Variants in FAM149B1 observed in about 807,000 individuals in gnomAD.
FAM149B1 encodes the protein primary cilium assembly protein FAM149B1.
Under a neutral mutation model 75.3 loss-of-function variants are expected in FAM149B1, and 56 were observed. The ratio of observed to expected loss-of-function variants is 0.74; its 90% CI spans 0.60 to 0.93. The LOEUF (loss-of-function observed/expected upper bound fraction) is 0.93, where lower values mean the gene tolerates loss of function less well. Ranked by LOEUF, FAM149B1 falls within the 40% of genes least tolerant of loss-of-function variation. FAM149B1 has a pLI of 0.00. For missense variants in FAM149B1, 639 were observed against 708.4 expected, an observed-to-expected ratio of 0.90 and a Z score of 1.11; for synonymous variants, 259 against 256.1, an observed-to-expected ratio of 1.01 and a Z score of -0.11.
chr10:73,207,362 G>A lies in FAM149B1; in HGVS notation c.543-1257G>A, dbSNP rs147605612. On this transcript the variant is annotated intron_variant, in intron 5 of 13. Transcript: ENST00000242505. ...GCAGATCACTAGAGACCAGGAGTTC[G>A]AGACCAGCCTGGCCAACATGGTGAA... Among the ~76,000 whole-genome samples, 140 of 152,100 alleles carry A rather than the reference G, an allele frequency of 9.2e-4. 1 individual carries two copies. The East Asian group carries it at 0.026, about 28-fold the overall frequency.
At chr10:73,224,913 G>T (rs1226488956) in intron 7 of FAM149B1, among the ~76,000 whole-genome samples, 1 of 152,202 alleles carries the variant, frequency 6.6e-6, no homozygotes, top group Non-Finnish European at 1.5e-5. Context: ...ATACAGTCCT[G>T]TGTGGCATAA....
chr10:73,199,238 G>GTT (rs2042878808), intron 5 of FAM149B1, among the ~76,000 whole-genome samples: 1 of 119,972 alleles, frequency 8.3e-6, no homozygotes, highest in Admixed American at 8.6e-5. Flanking sequence ...TTGTTGTTGA[G>GTT]ATGGAGTCTC....
At chr10:73,181,715 T>C (rs545926775) in intron 3 of FAM149B1, among the ~76,000 whole-genome samples, 1 of 152,338 alleles carries the variant, frequency 6.6e-6, no homozygotes, top group East Asian at 1.9e-4. Context: ...GAATGTGTAT[T>C]CTGCAGCTGT....
chr10:73,232,402 C>T lies in FAM149B1; in HGVS notation c.1128-537C>T, dbSNP rs1285465927. Reference sequence around the variant, plus strand: ...GGCAGCACAAGACCCTTTGCCCACTCCCAGCTTTCCAAAGAACCCAAACCC... The same window carrying T: ...GGCAGCACAAGACCCTTTGCCCACTTCCAGCTTTCCAAAGAACCCAAACCC... On this transcript the variant is annotated intron_variant, in intron 9 of 13. Coordinates refer to ENST00000242505, the MANE Select transcript of FAM149B1 (RefSeq NM_173348.2). Among the ~76,000 whole-genome samples, 4 of 152,314 alleles carry T rather than the reference C, an allele frequency of 2.6e-5. No individual in the cohort carries two copies. The East Asian group carries it at 7.7e-4, about 29-fold the overall frequency.
At chr10:73,238,217 C>T (rs2043865966) in intron 12 of FAM149B1, among the ~76,000 whole-genome samples, 1 of 152,082 alleles carries the variant, frequency 6.6e-6, no homozygotes, top group South Asian at 2.1e-4. Context: ...CATGGTGGTG[C>T]ATGCCTGTAA....
At chr10:73,176,634 T>A (rs1261991481) in intron 2 of FAM149B1, among the ~76,000 whole-genome samples, 1 of 152,102 alleles carries the variant, frequency 6.6e-6, no homozygotes, top group Non-Finnish European at 1.5e-5. Flanking sequence ...ATCTGTAGTC[T>A]CAGCACTTTG....
In FAM149B1 at chr10:73,227,594, G is replaced by A. The variant is rs528665119; in HGVS notation, c.899-466G>A. ...TCTCATAACTTTACCTGTGGGAATTGAGGTCTGGATTAATGAAGGTTTCCC... is the reference window on the plus strand; with the variant it reads ...TCTCATAACTTTACCTGTGGGAATTAAGGTCTGGATTAATGAAGGTTTCCC... On this transcript the variant is annotated intron_variant, in intron 7 of 13. Transcript: ENST00000242505. Among the ~76,000 whole-genome samples the A allele has an allele frequency of 2.0e-5, 3 of 152,292 alleles. No homozygotes were observed. In the East Asian group the frequency reaches 5.8e-4, roughly 29 times the overall value.
chr10:73,184,998 T>A (rs1238240789), intron 3 of FAM149B1, among the ~76,000 whole-genome samples: 4 of 152,104 alleles, frequency 2.6e-5, no homozygotes, highest in African/African-American at 9.7e-5. Context: ...CATTAGTTGG[T>A]TTGATCAAGA....
At chr10:73,179,783 T>G (rs1299874484) in intron 3 of FAM149B1, among the ~76,000 whole-genome samples, 6 of 152,182 alleles carry the variant, frequency 3.9e-5, no homozygotes, top group African/African-American at 1.4e-4. Context: ...TATATATAGT[T>G]GTATGATACA....
chr10:73,211,779 A>AT (rs1044464118), intron 7 of FAM149B1, among the ~76,000 whole-genome samples: 14 of 152,008 alleles, frequency 9.2e-5, no homozygotes, highest in African/African-American at 2.9e-4. Flanking sequence ...TTTTCATTTT[A>AT]TTTTTTATTT....
intron 1 of FAM149B1, among the ~76,000 whole-genome samples, chr10:73,172,903 A>T (rs1843775372): frequency 6.6e-6 from 1 of 151,744 alleles, no homozygotes; most frequent in Non-Finnish European, 1.5e-5. Flanking sequence ...CAGGAGTTAG[A>T]GACAGCCTGA....
intron 12 of FAM149B1, chr10:73,235,609 T>A (rs978264513): frequency 5.0e-6 from 2 of 402,596 alleles, no homozygotes; most frequent in African/African-American, 4.2e-5. Flanking sequence ...CAGATAAGCA[T>A]AACTTTATTA....
intron 12 of FAM149B1, chr10:73,238,896 A>T (rs2043882926): frequency 6.5e-6 from 1 of 154,078 alleles, no homozygotes; most frequent in African/African-American, 2.4e-5. Flanking sequence ...GTAAAGTTAA[A>T]TTTCGATATG....
At chr10:73,230,700 G>C (rs1433474305) in intron 9 of FAM149B1, 175 bp downstream of exon 9, 1 of 548,314 alleles carries the variant, frequency 1.8e-6, no homozygotes, top group Non-Finnish European at 3.3e-6. Flanking sequence ...AATGTAACTG[G>C]AAAGAGAAGA....
chr10:73,219,552 A>C (rs1195612972), intron 7 of FAM149B1, among the ~76,000 whole-genome samples: 1 of 152,258 alleles, frequency 6.6e-6, no homozygotes, highest in Non-Finnish European at 1.5e-5. Flanking sequence ...AACTGGCATA[A>C]GGACAGACAA....
At chr10:73,231,182 G>C (rs902012858) in intron 9 of FAM149B1, 2 of 152,144 alleles carry the variant, frequency 1.3e-5, no homozygotes, top group African/African-American at 2.4e-5. Context: ...CCCTTGCTGA[G>C]GAGTATTCTA....
rs756362271 is a variant in FAM149B1 at position 73,243,908 on chromosome 10, C to T, written c.*2889C>T. 1.9e-6 allele frequency: 3 copies of T among 1,614,138 alleles called. No homozygotes were observed. The highest frequency in any genetic ancestry group is 1.3e-5 in the African/African-American group (1 of 75,044). On this transcript the variant is annotated 3_prime_UTR_variant, in exon 14 of 14. Coordinates refer to ENST00000242505, the MANE Select transcript of FAM149B1 (RefSeq NM_173348.2). ...CCCAACTCCTTTCTGCTCATTTCTGCTTCTTTGGCCTCTTCCTGAGCCTGA... is the reference window on the plus strand; with the variant it reads ...CCCAACTCCTTTCTGCTCATTTCTGTTTCTTTGGCCTCTTCCTGAGCCTGA...
chr10:73,230,640 T>C, intron 9 of FAM149B1, 115 bp downstream of exon 9: 2 of 642,008 alleles, frequency 3.1e-6, no homozygotes, highest in South Asian at 3.5e-5. Context: ...CAAAAACTCC[T>C]GGGGAGTAAA....
At chr10:73,171,200 A>G (rs1843698836) in intron 1 of FAM149B1, among the ~76,000 whole-genome samples, 1 of 152,114 alleles carries the variant, frequency 6.6e-6, no homozygotes, top group Non-Finnish European at 1.5e-5. Flanking sequence ...CGGTCTCCCA[A>G]AGTGCTGGGA....
Sources: allele counts gnomAD v4.1 joint callset (sites outside exome capture counted in the v4.1 genomes callset), GRCh38; gene constraint gnomAD v4.1.1; transcripts MANE v1.5; gene names NCBI Gene and HGNC (gene_info 2026-07-23, HGNC 2026-07-21).